CDH23: variants seen among roughly 807,000 people sequenced by gnomAD.
CDH23 encodes cadherin related 23, also known as cadherin-23.
CDH23 carries 189 observed loss-of-function variants against 317.1 expected under a neutral mutation model. That is an observed-to-expected ratio of 0.60 (90% CI 0.53 to 0.67). The LOEUF is 0.67. CDH23 is among the 30% of genes least tolerant of loss of function. The probability of loss-of-function intolerance (pLI) is 0.00; values close to 1 mark genes in which losing one functional copy is unlikely to be tolerated. For missense variants in CDH23, 4,401 were observed against 4,592.4 expected (o/e 0.96, Z 1.20); for synonymous variants, 1,839 against 1,876.8 (o/e 0.98, Z 0.52).
At chr10:71,653,974 C>T (rs1489963339) in intron 14 of CDH23, among the ~76,000 whole-genome samples, 1 of 152,144 alleles carries the variant, frequency 6.6e-6, no homozygotes, top group African/African-American at 2.4e-5. Context: ...CTGCCTTTGG[C>T]TGTGACTTCC....
intron 9 of CDH23, among the ~76,000 whole-genome samples, chr10:71,585,462 C>T (rs1442471735): frequency 6.6e-6 from 1 of 152,206 alleles, no homozygotes; most frequent in African/African-American, 2.4e-5. Flanking sequence ...CTCTCTCAAG[C>T]TGGAACAAAC....
chr10:71,438,724 A>G (rs1849737044), intron 1 of CDH23, among the ~76,000 whole-genome samples: 1 of 152,220 alleles, frequency 6.6e-6, no homozygotes, highest in East Asian at 1.9e-4. Context: ...CAAGAGAGAT[A>G]GGACACCAGC....
At chr10:71,641,578 G>A (rs941723905) in intron 11 of CDH23, among the ~76,000 whole-genome samples, 5 of 152,304 alleles carry the variant, frequency 3.3e-5, no homozygotes, top group African/African-American at 4.8e-5. Flanking sequence ...CAGGATCAGC[G>A]TCGCCTGGAA....
intron 8 of CDH23, among the ~76,000 whole-genome samples, chr10:71,575,185 G>A (rs959689517): frequency 2.0e-5 from 3 of 152,118 alleles, no homozygotes; most frequent in African/African-American, 7.2e-5. Context: ...ATTAATATGG[G>A]GTGTTGGGGA....
intron 6 of CDH23, among the ~76,000 whole-genome samples, chr10:71,515,207 G>T (rs944259713): frequency 6.6e-6 from 1 of 152,190 alleles, no homozygotes; most frequent in Admixed American, 6.5e-5. Context: ...GACAAGTTCA[G>T]CCTCCTTAGC....
chr10:71,646,804 G>A, intron 14 of CDH23, 187 bp downstream of exon 14: 1 of 1,529,974 alleles, frequency 6.5e-7, no homozygotes. Flanking sequence ...CCTTGACCTA[G>A]GTTGCAATAT....
chr10:71,660,460 A>G (rs529501700), intron 14 of CDH23, among the ~76,000 whole-genome samples: 5 of 151,982 alleles, frequency 3.3e-5, no homozygotes, highest in African/African-American at 4.8e-5. Flanking sequence ...CCTCATCTTC[A>G]TGGTCCCAGG....
intron 6 of CDH23, among the ~76,000 whole-genome samples, chr10:71,521,277 C>A: frequency 6.6e-6 from 1 of 152,174 alleles, no homozygotes; most frequent in East Asian, 1.9e-4. Context: ...GTCCTTGCCC[C>A]GGAGAGTCGT....
At position 71,600,674 on chromosome 10, in the gene CDH23, G is replaced by A. The variant is rs138564265; in HGVS notation, c.833-14830G>A. On this transcript the variant is annotated intron_variant, in intron 9 of 69. Coordinates refer to ENST00000224721, the MANE Select transcript of CDH23 (RefSeq NM_022124.6). ...TGGGACTACGGACACGCACCACCAC[G>A]CCCAGCTAATTTTTTGTATTTTCAG... 6.7e-3 allele frequency among the ~76,000 whole-genome samples: 1,021 copies of A among 151,938 alleles called. 35 individuals are homozygous for A. In the East Asian group the frequency reaches 0.069, roughly 10 times the overall value.
intron 6 of CDH23, among the ~76,000 whole-genome samples, chr10:71,517,631 A>G (rs933086220): frequency 1.3e-5 from 2 of 152,158 alleles, no homozygotes; most frequent in African/African-American, 4.8e-5. Flanking sequence ...TCCACTCATG[A>G]GCGTGTCATC....
chr10:71,439,711 C>A, intron 1 of CDH23, 116 bp from the exon 2 acceptor site: 2 of 709,666 alleles, frequency 2.8e-6, no homozygotes, highest in Non-Finnish European at 2.4e-6. Context: ...TTGATTCCTT[C>A]TCCTCCCTTC....
intron 6 of CDH23, among the ~76,000 whole-genome samples, chr10:71,533,192 G>A (rs1855500654): frequency 6.6e-6 from 1 of 151,748 alleles, no homozygotes; most frequent in Non-Finnish European, 1.5e-5. Flanking sequence ...GCGGCATGGT[G>A]AGCTCCGGAA....
chr10:71,582,514 C>T (rs1858711874), intron 9 of CDH23, among the ~76,000 whole-genome samples: 1 of 152,138 alleles, frequency 6.6e-6, no homozygotes, highest in Non-Finnish European at 1.5e-5. Flanking sequence ...CCCCATGTGC[C>T]CATATTCTAT....
At chr10:71,743,679 G>T (rs868345155) in intron 38 of CDH23, among the ~76,000 whole-genome samples, 1 of 152,222 alleles carries the variant, frequency 6.6e-6, no homozygotes, top group African/African-American at 2.4e-5. Context: ...TTGTGTTAAC[G>T]TGGGAGGACC....
At chr10:71,413,337 A>G (rs1027968650) in intron 1 of CDH23, among the ~76,000 whole-genome samples, 1 of 152,128 alleles carries the variant, frequency 6.6e-6, no homozygotes, top group African/African-American at 2.4e-5. Context: ...ATTTGTCTGT[A>G]AGTCTGTCTT....
At chr10:71,773,282 C>CCCATCCCACAGTTCCCA (rs752065883) in intron 38 of CDH23, 44 of 1,493,572 alleles carry the variant, frequency 2.9e-5, no homozygotes, top group Non-Finnish European at 3.8e-5. Flanking sequence ...CCAGGACGCC[C>CCCATCCCACAGTTCCCA]CCATCCCACA....
At chr10:71,733,502 C>T (rs1016462761) in intron 32 of CDH23, among the ~76,000 whole-genome samples, 1 of 152,194 alleles carries the variant, frequency 6.6e-6, no homozygotes, top group Non-Finnish European at 1.5e-5. Context: ...GAGGACCCCA[C>T]CAAGAGTTGC....
chr10:71,494,665 C>T (rs1852858309), intron 3 of CDH23, among the ~76,000 whole-genome samples: 1 of 152,188 alleles, frequency 6.6e-6, no homozygotes, highest in Non-Finnish European at 1.5e-5. Flanking sequence ...AGCAAGCTGG[C>T]CCCCAGGGCA....
At chr10:71,688,497 A>G (rs1487988888) in intron 19 of CDH23, among the ~76,000 whole-genome samples, 121 of 109,782 alleles carry the variant, frequency 1.1e-3, no homozygotes, top group Middle Eastern at 8.9e-3. Context: ...GGAGCCAGGG[A>G]TGGTGGAGCC....
Sources: gnomAD v4.1 joint callset for allele counts (sites outside exome capture counted in the v4.1 genomes callset) on GRCh38, gnomAD v4.1.1 for gene constraint, MANE v1.5 for transcripts, NCBI Gene and HGNC (gene_info 2026-07-23, HGNC 2026-07-21) for gene names.